Variants in RAB9B observed in about 807,000 individuals in gnomAD.
The protein encoded by RAB9B is ras-related protein Rab-9B.
Under a neutral mutation model 8.9 loss-of-function variants are expected in RAB9B, and 1 was observed. The ratio of observed to expected loss-of-function variants is 0.11; its 90% CI spans 0.04 to 0.53. The LOEUF (loss-of-function observed/expected upper bound fraction) is 0.53. RAB9B is among the 20% of genes least tolerant of loss of function. RAB9B has a pLI of 0.93. For synonymous variants in RAB9B, 63 were observed against 57.0 expected (o/e 1.10, Z -0.47); for missense variants, 82 against 152.9 (o/e 0.54, Z 2.45).
intron 2 of RAB9B, among the ~76,000 whole-genome samples, 189 bp from the exon 3 acceptor site, chrX:103,826,015 T>C (rs900748010): frequency 8.9e-6 from 1 of 112,091 alleles, no homozygotes; most frequent in African/African-American, 3.2e-5. Flanking sequence ...CTTGTTTTTC[T>C]GAGGTCTTTT....
chrX:103,786,345 A>G, the RAB9B span: 3 of 1,039,486 alleles, frequency 2.9e-6, no homozygotes, highest in Non-Finnish European at 4.0e-6. Flanking sequence ...TGATTCCTCT[A>G]GAAAATCCCT....
chrX:103,790,303 C>T, the RAB9B span, among the ~76,000 whole-genome samples: 2 of 112,773 alleles, frequency 1.8e-5, no homozygotes, highest in Non-Finnish European at 3.7e-5. Flanking sequence ...ATTTGATTCT[C>T]TGGGCCTGGG....
the RAB9B span, chrX:103,789,198 G>A: frequency 1.8e-6 from 1 of 567,376 alleles, no homozygotes; most frequent in Non-Finnish European, 3.1e-6. Context: ...TTAGGGAAGT[G>A]AAAACTTAGT....
At chrX:103,791,195 G>C in the RAB9B span, 1 of 119,695 alleles carries the variant, frequency 8.4e-6, no homozygotes, top group Admixed American at 8.3e-5. Context: ...CACAGAAAGA[G>C]AGCACTGACC....
chrX:103,811,728 A>T, the RAB9B span, among the ~76,000 whole-genome samples: 1 of 111,615 alleles, frequency 9.0e-6, no homozygotes, highest in Non-Finnish European at 1.9e-5. Context: ...TAGAAGACTC[A>T]TTTGGCTGAA....
chrX:103,830,546 C>T (rs1031324633), intron 1 of RAB9B, among the ~76,000 whole-genome samples: 1 of 111,623 alleles, frequency 9.0e-6, no homozygotes. Context: ...TCGAGAGACG[C>T]AATTCCCCTT....
intron 1 of RAB9B, among the ~76,000 whole-genome samples, chrX:103,827,509 T>C (rs924211015): frequency 4.5e-5 from 5 of 111,738 alleles, no homozygotes; most frequent in Non-Finnish European, 9.4e-5. Flanking sequence ...AGAAAGTTGT[T>C]AGTGCACTCA....
rs1303393382 is a variant in RAB9B at position 103,832,179 on chromosome X, T to C, written c.-236A>G. ...GCTCCTGCTGCCTCCTCGTCCTCAA[T>C]GGGGCAGCAAGTGCGGCTTGGACCT... is the stretch of plus-strand genomic sequence containing the variant. On this transcript the variant is annotated 5_prime_UTR_variant, in exon 1 of 3. Coordinates refer to ENST00000243298, the MANE Select transcript of RAB9B (RefSeq NM_016370.4). The C allele has an allele frequency of 1.8e-5, 2 of 111,252 alleles. No homozygotes were observed. Among genetic ancestry groups the C allele is most frequent in the East Asian group, 5.8e-4 (2 of 3,461 alleles). The allele number at this position is 111,252 out of a possible 1,213,427, so 9.2% of individuals were successfully genotyped here.
chrX:103,794,135 A>G, the RAB9B span, among the ~76,000 whole-genome samples: 1 of 111,902 alleles, frequency 8.9e-6, no homozygotes, highest in Non-Finnish European at 1.9e-5. Flanking sequence ...GCCATAGCAG[A>G]CAGGTCTTCC....
the RAB9B span, among the ~76,000 whole-genome samples, chrX:103,794,200 C>T: frequency 9.0e-6 from 1 of 111,402 alleles, no homozygotes; most frequent in Non-Finnish European, 1.9e-5. Context: ...GATCGGCTGA[C>T]TCCAGTGGGC....
At chrX:103,793,190 A>T in the RAB9B span, among the ~76,000 whole-genome samples, 1 of 112,351 alleles carries the variant, frequency 8.9e-6, no homozygotes, top group Non-Finnish European at 1.9e-5. Flanking sequence ...AAAATAAATT[A>T]GTGACACCTA....
the RAB9B span, among the ~76,000 whole-genome samples, chrX:103,810,626 C>T: frequency 8.9e-6 from 1 of 111,996 alleles, no homozygotes; most frequent in African/African-American, 3.2e-5. Flanking sequence ...AGCTGTCTCG[C>T]TAGTCACCTT....
chrX:103,786,858 C>A, the RAB9B span: 1 of 689,101 alleles, frequency 1.5e-6, no homozygotes, highest in Non-Finnish European at 2.3e-6. Flanking sequence ...GCGATGGCTG[C>A]AGCCGAACGA....
chrX:103,808,466 C>T, the RAB9B span, among the ~76,000 whole-genome samples: 7 of 112,408 alleles, frequency 6.2e-5, 1 homozygote, highest in East Asian at 2.0e-3. Context: ...GACATTCTGG[C>T]CATATCGTCT....
At chrX:103,787,628 T>TA in the RAB9B span, 8 of 498,218 alleles carry the variant, frequency 1.6e-5, no homozygotes, top group South Asian at 2.2e-4. Flanking sequence ...ATCTAGTAGA[T>TA]ACTGCCAATT....
the RAB9B span, chrX:103,786,258 A>G: frequency 1.6e-4 from 175 of 1,123,642 alleles, 1 homozygote; most frequent in African/African-American, 2.7e-3. Flanking sequence ...CGGGAGGGGC[A>G]TATGTTTCTG....
the RAB9B span, among the ~76,000 whole-genome samples, chrX:103,782,847 C>A: frequency 8.9e-6 from 1 of 111,933 alleles, no homozygotes; most frequent in East Asian, 2.8e-4. Flanking sequence ...CTCCTGAGAT[C>A]TCAGGAAAGA....
chrX:103,821,014 A>AC (rs2074658161), downstream of RAB9B, among the ~76,000 whole-genome samples: 5 of 98,762 alleles, frequency 5.1e-5, no homozygotes, highest in African/African-American at 2.0e-4. Flanking sequence ...ACACACACAC[A>AC]AAGTTAGCTG....
chrX:103,829,833 A>G (rs2147787139), intron 1 of RAB9B, among the ~76,000 whole-genome samples: 1 of 111,952 alleles, frequency 8.9e-6, no homozygotes, highest in South Asian at 3.8e-4. Flanking sequence ...CACTGTATAC[A>G]TCTTTGAAGC....
Sources: gnomAD v4.1 joint callset for allele counts (sites outside exome capture counted in the v4.1 genomes callset) on GRCh38, gnomAD v4.1.1 for gene constraint, MANE v1.5 for transcripts, NCBI Gene and HGNC (gene_info 2026-07-23, HGNC 2026-07-21) for gene names.